The following TBC1D19 variants were observed in gnomAD, a reference collection of about 807,000 sequenced individuals.
The protein encoded by TBC1D19 is TBC1 domain family member 19.
A neutral mutation model predicts 89.0 loss-of-function variants in TBC1D19; 60 were observed. That is an observed-to-expected ratio of 0.67 (90% CI 0.55 to 0.84). The LOEUF (loss-of-function observed/expected upper bound fraction) is 0.84. Among genes scored for constraint, TBC1D19 ranks in the 40% least tolerant of loss-of-function variants. The probability of loss-of-function intolerance (pLI) is 0.00; values close to 1 mark genes in which losing one functional copy is unlikely to be tolerated. For missense variants in TBC1D19, 500 were observed against 610.8 expected (o/e 0.82, Z 1.91); for synonymous variants, 189 against 199.7 (o/e 0.95, Z 0.45).
rs780278412 is a variant in TBC1D19 at position 26,659,700 on chromosome 4, C to T, written c.584C>T (p.Pro195Leu). 6.4e-7 allele frequency: 1 copy of T among 1,568,124 alleles called. No homozygotes were observed. Among genetic ancestry groups the T allele is most frequent in the East Asian group, 2.3e-5 (1 of 44,288 alleles). ...GTTCCACTGAAAGTAAAAGACATCC[C>T]TGAATTGGTAAGTATAGAAACTTAA... ...IQVPLKVKDI[P>L]ELKECFVELG... The change falls in exon 8 of 21, where the codon CCT becomes CTT. Residue 195 changes from proline (P) to leucine (L), a missense_variant. This residue lies in a region of TBC1D19 where 280 missense variants were observed against 291.7 expected (regional missense o/e 0.96). Transcript: ENST00000264866.
chr4:26,670,322 T>C (rs1712185633), intron 9 of TBC1D19, among the ~76,000 whole-genome samples: 1 of 151,356 alleles, frequency 6.6e-6, no homozygotes, highest in Non-Finnish European at 1.5e-5. Flanking sequence ...TTCAGAAATA[T>C]TAGGACTACA....
chr4:26,751,024 A>G (rs1046637565), intron 19 of TBC1D19, among the ~76,000 whole-genome samples: 2 of 152,224 alleles, frequency 1.3e-5, no homozygotes, highest in African/African-American at 2.4e-5. Context: ...AATTAAAGTA[A>G]TAAGACCAAA....
the TBC1D19 span, among the ~76,000 whole-genome samples, chr4:26,777,978 T>TG: frequency 6.9e-6 from 1 of 145,138 alleles, no homozygotes; most frequent in Admixed American, 7.0e-5. Flanking sequence ...GAGGCTGAGG[T>TG]GGGGGGATTG....
chr4:26,651,697 C>T (rs1309022072), intron 7 of TBC1D19, among the ~76,000 whole-genome samples: 1 of 152,026 alleles, frequency 6.6e-6, no homozygotes, highest in Admixed American at 6.6e-5. Context: ...AATTGAATAC[C>T]CTTTATTTCC....
the TBC1D19 span, among the ~76,000 whole-genome samples, chr4:26,787,827 A>G: frequency 6.6e-6 from 1 of 152,136 alleles, no homozygotes; most frequent in African/African-American, 2.4e-5. Flanking sequence ...GGCTTCTTAC[A>G]GTATTTATAG....
intron 4 of TBC1D19, among the ~76,000 whole-genome samples, chr4:26,623,775 A>G (rs1307829352): frequency 6.6e-6 from 1 of 152,162 alleles, no homozygotes; most frequent in Non-Finnish European, 1.5e-5. Flanking sequence ...AGTAGTCACA[A>G]TAATGATGAT....
chr4:26,753,741 A>G, intron 19 of TBC1D19, 79 bp from the exon 20 acceptor site: 2 of 1,502,798 alleles, frequency 1.3e-6, no homozygotes, highest in Non-Finnish European at 1.8e-6. Context: ...CGTGCAGTGG[A>G]TTTTGGGCAT....
chr4:26,753,786 G>A, intron 19 of TBC1D19, 34 bp from the exon 20 acceptor site: 1 of 1,613,038 alleles, frequency 6.2e-7, no homozygotes, highest in Non-Finnish European at 8.5e-7. Flanking sequence ...TGATGAGTAG[G>A]CCAGCAGTTG....
At chr4:26,703,484 C>A (rs941932291) in intron 13 of TBC1D19, among the ~76,000 whole-genome samples, 1 of 152,138 alleles carries the variant, frequency 6.6e-6, no homozygotes, top group African/African-American at 2.4e-5. Flanking sequence ...TGCCTAGCAA[C>A]ACAGTTGCTG....
chr4:26,696,655 T>C (rs1025920528), intron 13 of TBC1D19, among the ~76,000 whole-genome samples: 35 of 152,174 alleles, frequency 2.3e-4, no homozygotes, highest in Non-Finnish European at 4.6e-4. Flanking sequence ...TATAACAAAC[T>C]GTCTCTCAGA....
At chr4:26,849,796 T>C in the TBC1D19 span, among the ~76,000 whole-genome samples, 1 of 152,230 alleles carries the variant, frequency 6.6e-6, no homozygotes, top group African/African-American at 2.4e-5. Context: ...CTTTAAATCC[T>C]AAATCCATTT....
At chr4:26,785,695 CTGTG>C in the TBC1D19 span, among the ~76,000 whole-genome samples, 3 of 151,146 alleles carry the variant, frequency 2.0e-5, no homozygotes, top group African/African-American at 4.9e-5. Flanking sequence ...CAGACGTACA[CTGTG>C]TGTGTGTGTG....
chr4:26,612,161 G>A (rs1365008710), intron 1 of TBC1D19, among the ~76,000 whole-genome samples: 1 of 150,996 alleles, frequency 6.6e-6, no homozygotes, highest in East Asian at 1.9e-4. Context: ...TATTTCTGGG[G>A]GACAGCTTAT....
chr4:26,615,159 T>C lies in TBC1D19; in HGVS notation c.218+706T>C, dbSNP rs571394070. ...CCATTCTAATCATGATTATCTTTTT[T>C]GTTCTTTGGCAAAATTGTTGTCATT... On this transcript the variant is annotated intron_variant, in intron 3 of 20. Coordinates refer to ENST00000264866, the MANE Select transcript of TBC1D19 (RefSeq NM_018317.4). Among the ~76,000 whole-genome samples the C allele has an allele frequency of 2.0e-5, 3 of 152,334 alleles. No individual in the cohort carries two copies. The South Asian group carries it at 6.2e-4, about 32-fold the overall frequency.
At chr4:26,628,022 C>G (rs1742545249) in intron 4 of TBC1D19, among the ~76,000 whole-genome samples, 1 of 152,062 alleles carries the variant, frequency 6.6e-6, no homozygotes, top group South Asian at 2.1e-4. Flanking sequence ...GGTTTTAGGT[C>G]TAACGTTTAA....
chr4:26,671,827 C>T (rs1351705475), intron 9 of TBC1D19, among the ~76,000 whole-genome samples: 2 of 151,668 alleles, frequency 1.3e-5, no homozygotes, highest in Non-Finnish European at 3.0e-5. Flanking sequence ...AAAATTCATT[C>T]ATCAATGTTT....
chr4:26,671,178 T>C (rs922693320), intron 9 of TBC1D19, among the ~76,000 whole-genome samples: 7 of 151,812 alleles, frequency 4.6e-5, no homozygotes, highest in Admixed American at 1.3e-4. Context: ...TATGAGAAAT[T>C]CATTTGCTCC....
At chr4:26,688,715 C>T (rs1714028723) in intron 13 of TBC1D19, among the ~76,000 whole-genome samples, 1 of 151,796 alleles carries the variant, frequency 6.6e-6, no homozygotes, top group Non-Finnish European at 1.5e-5. Flanking sequence ...TTATTTAAGC[C>T]ATTCCAAGAT....
chr4:26,723,638 A>G (rs1292735052), intron 15 of TBC1D19, among the ~76,000 whole-genome samples: 2 of 152,226 alleles, frequency 1.3e-5, no homozygotes, highest in Admixed American at 1.3e-4. Context: ...AGATTCCCCA[A>G]ACAGCTAGTG....
Sources: gnomAD v4.1 joint callset for allele counts (sites outside exome capture counted in the v4.1 genomes callset) on GRCh38, gnomAD v4.1.1 for gene constraint, gnomAD v4.1.1 regional missense constraint, MANE v1.5 for transcripts, NCBI Gene and HGNC (gene_info 2026-07-23, HGNC 2026-07-21) for gene names.